The following ANKRD30B variants were observed in gnomAD, a reference collection of about 807,000 sequenced individuals.
The protein encoded by ANKRD30B is ankyrin repeat domain 30B.
In ANKRD30B, 144 loss-of-function variants were observed where a neutral mutation model predicts 202.2. The observed-to-expected ratio is 0.71, with a 90% confidence interval of 0.62 to 0.82. ANKRD30B has a LOEUF of 0.82. ANKRD30B is among the 40% of genes least tolerant of loss of function. ANKRD30B has a pLI of 0.00. For missense variants in ANKRD30B, 1,487 were observed against 1,669.1 expected (o/e 0.89, Z 1.90); for synonymous variants, 508 against 561.3 (o/e 0.91, Z 1.34).
At position 14,854,430 on chromosome 18, in the gene ANKRD30B, G is replaced by A. The variant is rs1291071855; in HGVS notation, c.*272G>A. 6.6e-6 allele frequency among the ~76,000 whole-genome samples: 1 copy of A among 152,168 alleles called. No individual in the cohort carries two copies. The highest frequency in any genetic ancestry group is 1.9e-4 in the East Asian group (1 of 5,180). On this transcript the variant is annotated 3_prime_UTR_variant, in exon 44 of 44. Coordinates refer to ENST00000690538, the MANE Select transcript of ANKRD30B (RefSeq NM_001367607.2). ...GGGATGGGGGTAGAATCCCATGCAT[G>A]AGAAGGGGACAGGTCCTTTCTTCAC...
chr18:14,917,997 C>T, the ANKRD30B span, among the ~76,000 whole-genome samples: 1 of 152,270 alleles, frequency 6.6e-6, no homozygotes, highest in Non-Finnish European at 1.5e-5. Context: ...ATTGAAGACA[C>T]GTCTTATCTG....
intron 28 of ANKRD30B, among the ~76,000 whole-genome samples, chr18:14,811,491 G>A (rs561802335): frequency 6.6e-6 from 1 of 150,666 alleles, no homozygotes; most frequent in East Asian, 2.0e-4. Context: ...GATTAGAGGC[G>A]TGAGCCACCG....
At chr18:14,823,691 A>G (rs1970549729) in intron 32 of ANKRD30B, among the ~76,000 whole-genome samples, 2 of 152,186 alleles carry the variant, frequency 1.3e-5, no homozygotes, top group African/African-American at 4.8e-5. Flanking sequence ...ATGTTACAAC[A>G]GGCTGTGCAT....
intron 11 of ANKRD30B, among the ~76,000 whole-genome samples, chr18:14,782,257 A>C (rs1368277614): frequency 3.3e-5 from 5 of 152,218 alleles, no homozygotes; most frequent in Non-Finnish European, 1.5e-5. Context: ...TTTTTGAAAT[A>C]TGCAGATGAG....
the ANKRD30B span, among the ~76,000 whole-genome samples, chr18:14,921,124 A>G: frequency 6.6e-6 from 1 of 152,176 alleles, no homozygotes; most frequent in Non-Finnish European, 1.5e-5. Flanking sequence ...AAAGGGAATC[A>G]GCAGTGGTGG....
the ANKRD30B span, among the ~76,000 whole-genome samples, chr18:14,890,788 G>A: frequency 6.7e-6 from 1 of 148,860 alleles, no homozygotes; most frequent in South Asian, 2.2e-4. Flanking sequence ...TAAACTGATA[G>A]TATTTTGATA....
chr18:14,774,186 A>G (rs956907962), intron 9 of ANKRD30B, among the ~76,000 whole-genome samples: 1 of 152,166 alleles, frequency 6.6e-6, no homozygotes, highest in Non-Finnish European at 1.5e-5. Flanking sequence ...GTATTAACAA[A>G]TAACTAATTG....
chr18:14,799,482 A>G (rs1269544753), intron 22 of ANKRD30B, among the ~76,000 whole-genome samples, 187 bp downstream of exon 22: 1 of 152,176 alleles, frequency 6.6e-6, no homozygotes, highest in African/African-American at 2.4e-5. Flanking sequence ...ATAGGGATTT[A>G]GAAAAAAATT....
chr18:14,891,337 T>TGC, the ANKRD30B span, among the ~76,000 whole-genome samples: 1 of 147,158 alleles, frequency 6.8e-6, no homozygotes, highest in Non-Finnish European at 1.5e-5. Context: ...AGCTAATATT[T>TGC]CTCATTTGCC....
intron 33 of ANKRD30B, among the ~76,000 whole-genome samples, chr18:14,830,880 A>G (rs576469954): frequency 6.6e-6 from 1 of 152,250 alleles, no homozygotes; most frequent in South Asian, 2.1e-4. Context: ...AGGTAAATGC[A>G]ATCTTTTTTA....
At chr18:14,915,938 A>G in the ANKRD30B span, among the ~76,000 whole-genome samples, 2 of 152,248 alleles carry the variant, frequency 1.3e-5, no homozygotes, top group Non-Finnish European at 2.9e-5. Context: ...ATTAGGTATT[A>G]GAAGTAGTCT....
chr18:14,837,318 A>C, intron 35 of ANKRD30B, 29 bp downstream of exon 35: 1 of 1,482,870 alleles, frequency 6.7e-7, no homozygotes, highest in Non-Finnish European at 9.1e-7. Context: ...TTTATACCAA[A>C]ATAATAGAAA....
downstream of ANKRD30B, among the ~76,000 whole-genome samples, chr18:14,854,715 A>G (rs1598727442): frequency 1.3e-5 from 2 of 152,076 alleles, no homozygotes; most frequent in East Asian, 3.9e-4. Flanking sequence ...TGAACCTTCT[A>G]GTTAAGAGAT....
rs1189785137 is a variant in ANKRD30B at position 14,763,668 on chromosome 18, A to G, written c.821-18A>G. 6.2e-7 allele frequency: 1 copy of G among 1,611,864 alleles called. No individual in the cohort carries two copies. Among genetic ancestry groups the G allele is most frequent in the Non-Finnish European group, 8.5e-7 (1 of 1,179,104 alleles). On this transcript the variant is annotated intron_variant, in intron 6 of 43. Coordinates refer to ENST00000690538, the MANE Select transcript of ANKRD30B (RefSeq NM_001367607.2). ...ATTTAAGCAGAAAGAAAATTTAACC[A>G]GATTGTGTGTTTGGCAGAAGGAACA...
chr18:14,886,329 A>G, the ANKRD30B span, among the ~76,000 whole-genome samples: 1 of 152,026 alleles, frequency 6.6e-6, no homozygotes, highest in Non-Finnish European at 1.5e-5. Context: ...AGAGGGATGG[A>G]GGCCCCTTAC....
intron 6 of ANKRD30B, 135 bp from the exon 7 acceptor site, chr18:14,763,551 A>AAAAAGAGAAGAGAG: frequency 7.7e-7 from 1 of 1,306,770 alleles, no homozygotes; most frequent in Non-Finnish European, 1.0e-6. Context: ...CTCCATCAAA[A>AAAAAGAGAAGAGAG]AAAAGAGAAG....
intron 24 of ANKRD30B, among the ~76,000 whole-genome samples, chr18:14,806,077 G>A (rs1263903152): frequency 2.0e-5 from 3 of 149,688 alleles, no homozygotes; most frequent in Non-Finnish European, 3.0e-5. Flanking sequence ...AAAATTAGCC[G>A]GGCGTGGCGG....
At chr18:14,912,807 T>C in the ANKRD30B span, among the ~76,000 whole-genome samples, 5 of 152,366 alleles carry the variant, frequency 3.3e-5, no homozygotes, top group South Asian at 8.3e-4. Flanking sequence ...CATTGTTCTG[T>C]TTTGGATTTC....
intron 15 of ANKRD30B, 92 bp downstream of exon 15, chr18:14,787,192 A>G (rs1968146440): frequency 9.0e-7 from 1 of 1,114,974 alleles, no homozygotes; most frequent in African/African-American, 1.6e-5. Flanking sequence ...TCACCTCTGC[A>G]TATGTCACCC....
Sources: allele counts gnomAD v4.1 joint callset (sites outside exome capture counted in the v4.1 genomes callset), GRCh38; gene constraint gnomAD v4.1.1; transcripts MANE v1.5; gene names NCBI Gene and HGNC (gene_info 2026-07-23, HGNC 2026-07-21).